The following CENPH variants were observed in gnomAD, a reference collection of about 807,000 sequenced individuals.
CENPH encodes CENP-H.
Under a neutral mutation model 42.9 loss-of-function variants are expected in CENPH, and 40 were observed. That is an observed-to-expected ratio of 0.93 (90% CI 0.72 to 1.21). The LOEUF is 1.21. Among genes scored for constraint, CENPH ranks in the 50% most tolerant of loss-of-function variants. The pLI is 0.00. For synonymous variants in CENPH, 88 were observed against 96.5 expected (o/e 0.91, Z 0.52); for missense variants, 302 against 292.9 (o/e 1.03, Z -0.23).
chr5:69,200,719 C>CTTTTTTTTTTTGTTTTTTTTTTTTTTTTT (rs1748044076), intron 5 of CENPH, among the ~76,000 whole-genome samples: 1 of 46,900 alleles, frequency 2.1e-5, no homozygotes, highest in Non-Finnish European at 4.2e-5. Flanking sequence ...ATCAGCGTAT[C>CTTTTTTTTTTTGTTTTTTTTTTTTTTTTT]TTTTTTTTTT....
Position 69,209,860 on chromosome 5 carries a change from T to C in CENPH, c.*61T>C. 1.1e-6 allele frequency: 1 copy of C among 925,500 alleles called. No homozygotes were observed. The highest frequency in any genetic ancestry group is 1.4e-5 in the South Asian group (1 of 71,126). The allele number at this position is 925,500 out of a possible 1,614,324, so 57.3% of individuals were successfully genotyped here. Reference sequence around the variant, plus strand: ...CAATCTCAACTCTTATTTGGAATACTTCTGTGCATTTGTCTGTCCACCGTA... The same window carrying C: ...CAATCTCAACTCTTATTTGGAATACCTCTGTGCATTTGTCTGTCCACCGTA... On this transcript the variant is annotated 3_prime_UTR_variant, in exon 9 of 9. Coordinates refer to ENST00000283006, the MANE Select transcript of CENPH (RefSeq NM_022909.4).
rs185042811 is a variant in CENPH, at chr5:69,193,007, G to T, written c.190+1157G>T. On this transcript the variant is annotated intron_variant, in intron 2 of 8. Coordinates refer to ENST00000283006, the MANE Select transcript of CENPH (RefSeq NM_022909.4). ...GCTACTCGGGGAGGCTGAGGCAGGA[G>T]AATCGCTTGAACCTGGGAGGTGGAG... Among the ~76,000 whole-genome samples, 906 of 151,946 alleles carry T rather than the reference G, an allele frequency of 6.0e-3. 6 individuals are homozygous for T. The highest frequency in any genetic ancestry group is 8.8e-3 in the Non-Finnish European group (596 of 67,990).
chr5:69,205,153 C>T (rs561887409), intron 7 of CENPH, among the ~76,000 whole-genome samples: 5 of 151,870 alleles, frequency 3.3e-5, no homozygotes, highest in Non-Finnish European at 5.9e-5. Context: ...CTCCTGACCT[C>T]GTGATCCACC....
intron 1 of CENPH, among the ~76,000 whole-genome samples, chr5:69,191,459 C>T (rs1747870427): frequency 6.6e-6 from 1 of 151,990 alleles, no homozygotes; most frequent in African/African-American, 2.4e-5. Flanking sequence ...TTGTGGTGAG[C>T]CGAGATTGCG....
At chr5:69,205,632 G>A (rs888252525) in intron 7 of CENPH, among the ~76,000 whole-genome samples, 7 of 149,712 alleles carry the variant, frequency 4.7e-5, no homozygotes, top group Non-Finnish European at 8.9e-5. Context: ...TTTCACCTCA[G>A]CATCCCTGAT....
chr5:69,203,054 A>C, intron 7 of CENPH, 84 bp downstream of exon 7: 1 of 894,252 alleles, frequency 1.1e-6, no homozygotes, highest in Non-Finnish European at 1.7e-6. Context: ...CCACTGAGAA[A>C]TTTCCTAATT....
chr5:69,194,695 C>T lies in CENPH; in HGVS notation c.239C>T (p.Ala80Val), dbSNP rs757957352. The T allele has an allele frequency of 1.7e-5, 27 of 1,564,054 alleles. No individual in the cohort carries two copies. The highest frequency in any genetic ancestry group is 1.5e-4 in the South Asian group (13 of 85,304). ...EQIMQEKQIE[A>V]KIEDLENEIE... ...ATTATGCAAGAAAAGCAAATCGAAG[C>T]GTATGTTATATTTAAAAATTTTGTT... The change falls in exon 3 of 9, where the codon GCT (alanine) becomes GTT (valine). Residue 80 changes from alanine (A) to valine (V), a missense_variant and splice_region_variant. Coordinates refer to ENST00000283006, the MANE Select transcript of CENPH (RefSeq NM_022909.4).
Position 69,210,147 on chromosome 5 carries a change from C to T in CENPH, c.*348C>T, listed in dbSNP as rs765350621. 7.0e-5 allele frequency: 11 copies of T among 157,922 alleles called. No individual in the cohort carries two copies. The highest frequency in any genetic ancestry group is 1.1e-4 in the Non-Finnish European group (8 of 71,940). 9.8% of individuals were successfully genotyped at this position (157,922 alleles called of 1,614,324 possible). ...CCAAGTAGCTGTGACTAAAGGTGCA[C>T]GCCGCCATGCCCAGCTAATTTTTTG... On this transcript the variant is annotated 3_prime_UTR_variant, in exon 9 of 9. Transcript: ENST00000283006.
At chr5:69,190,268 CAGG>C (rs777747366) in intron 1 of CENPH, among the ~76,000 whole-genome samples, 3 of 152,188 alleles carry the variant, frequency 2.0e-5, no homozygotes, top group Non-Finnish European at 4.4e-5. Context: ...AACTAGTGAG[CAGG>C]AGAAGGTCCT....
At chr5:69,201,869 C>A (rs1561323631) in intron 5 of CENPH, among the ~76,000 whole-genome samples, 3 of 152,124 alleles carry the variant, frequency 2.0e-5, no homozygotes. Context: ...GAAAACAAAC[C>A]CGTAGGCTAT....
rs757451437 is a variant in CENPH, at chr5:69,209,888, T to G, written c.*89T>G. 2.0e-4 allele frequency: 151 copies of G among 748,592 alleles called. No homozygotes were observed. Among genetic ancestry groups the G allele is most frequent in the Admixed American group, 9.5e-5 (4 of 41,912 alleles). The allele number at this position is 748,592 out of a possible 1,614,324, so 46.4% of individuals were successfully genotyped here. ...TGTGCATTTGTCTGTCCACCGTAATTTTAGAAAAGCATATCCATAACGTTT... is the reference window on the plus strand; with the variant it reads ...TGTGCATTTGTCTGTCCACCGTAATGTTAGAAAAGCATATCCATAACGTTT... On this transcript the variant is annotated 3_prime_UTR_variant, in exon 9 of 9. Coordinates refer to ENST00000283006, the MANE Select transcript of CENPH (RefSeq NM_022909.4).
At chr5:69,193,881 A>G (rs376001854) in intron 2 of CENPH, among the ~76,000 whole-genome samples, 211 of 151,698 alleles carry the variant, frequency 1.4e-3, no homozygotes, top group African/African-American at 4.9e-3. Context: ...TTAACTCCTG[A>G]CCTCAGGTGA....
intron 7 of CENPH, among the ~76,000 whole-genome samples, chr5:69,205,105 AGAC>A (rs1748129857): frequency 6.6e-6 from 1 of 150,470 alleles, no homozygotes; most frequent in African/African-American, 2.4e-5. Context: ...TTTTTAGTAG[AGAC>A]GGTGTTTCAC....
chr5:69,209,847 T>C lies in CENPH; in HGVS notation c.*48T>C, dbSNP rs750302807. ...TTTACATTTCTGGCAATCTCAACTC[T>C]TATTTGGAATACTTCTGTGCATTTG... On this transcript the variant is annotated 3_prime_UTR_variant, in exon 9 of 9. Transcript: ENST00000283006. 2.0e-6 allele frequency: 2 copies of C among 1,019,158 alleles called. No homozygotes were observed. The highest frequency in any genetic ancestry group is 3.1e-6 in the Non-Finnish European group (2 of 647,712). 63.1% of individuals were successfully genotyped at this position (1,019,158 alleles called of 1,614,324 possible). A position where few individuals can be genotyped will look rare whatever the true frequency, so the allele number is the denominator to read the frequency against.
intron 2 of CENPH, 139 bp from the exon 3 acceptor site, chr5:69,194,508 T>G (rs1747931161): frequency 1.9e-6 from 1 of 529,456 alleles, no homozygotes; most frequent in Non-Finnish European, 3.4e-6. Flanking sequence ...TATATTAAAA[T>G]TAAATTTCAC....
chr5:69,196,586 AG>A (rs574684173), intron 4 of CENPH, among the ~76,000 whole-genome samples: 137 of 152,332 alleles, frequency 9.0e-4, no homozygotes, highest in Non-Finnish European at 1.7e-3. Flanking sequence ...CAGAGGTTGC[AG>A]TGAGCCGAGA....
intron 6 of CENPH, 62 bp from the exon 7 acceptor site, chr5:69,202,857 A>G (rs1026606176): frequency 5.1e-6 from 5 of 983,980 alleles, no homozygotes; most frequent in Non-Finnish European, 7.8e-6. Context: ...CAGTGATTTA[A>G]GTATTACAGG....
At chr5:69,200,563 A>G (rs1561323281) in intron 5 of CENPH, among the ~76,000 whole-genome samples, 2 of 151,996 alleles carry the variant, frequency 1.3e-5, no homozygotes, top group African/African-American at 2.4e-5. Context: ...TAGTAGAAAA[A>G]TGAGTTCAGC....
chr5:69,192,371 A>G lies in CENPH; in HGVS notation c.190+521A>G, dbSNP rs1377727752. Among the ~76,000 whole-genome samples, 3 of 152,202 alleles carry G rather than the reference A, an allele frequency of 2.0e-5. No homozygotes were observed. In the East Asian group the frequency reaches 5.8e-4, roughly 29 times the overall value. Reference sequence around the variant, plus strand: ...CGTTCCAATAGTCTTTTTGTTCTCTATATAGCTAGTACCATTTTTAAGGGA... The same window carrying G: ...CGTTCCAATAGTCTTTTTGTTCTCTGTATAGCTAGTACCATTTTTAAGGGA... On this transcript the variant is annotated intron_variant, in intron 2 of 8. Transcript: ENST00000283006.
Sources: gnomAD v4.1 joint callset for allele counts (sites outside exome capture counted in the v4.1 genomes callset) on GRCh38, gnomAD v4.1.1 for gene constraint, MANE v1.5 for transcripts, NCBI Gene and HGNC (gene_info 2026-07-23, HGNC 2026-07-21) for gene names.